PAPPA2: variants seen among roughly 807,000 people sequenced by gnomAD.
The protein encoded by PAPPA2 is pappalysin-2.
Under a neutral mutation model 176.4 loss-of-function variants are expected in PAPPA2, and 86 were observed. The observed-to-expected ratio is 0.49, with a 90% CI of 0.41 to 0.58. The LOEUF (loss-of-function observed/expected upper bound fraction) is 0.58, where lower values mean the gene tolerates loss of function less well. Among genes scored for constraint, PAPPA2 ranks in the 20% least tolerant of loss-of-function variants. The pLI, the probability that PAPPA2 is intolerant of heterozygous loss-of-function variation, is 0.00. For synonymous variants in PAPPA2, 809 were observed against 852.2 expected, an observed-to-expected ratio of 0.95 and a Z score of 0.88; for missense variants, 2,073 against 2,256.9, an observed-to-expected ratio of 0.92 and a Z score of 1.65.
At chr1:176,804,478 C>T (rs889089303) in intron 21 of PAPPA2, among the ~76,000 whole-genome samples, 1 of 152,094 alleles carries the variant, frequency 6.6e-6, no homozygotes, top group African/African-American at 2.4e-5. Context: ...ATTATCCTGC[C>T]CCAAATGCCA....
At chr1:176,487,190 G>A (rs1349063157) in intron 1 of PAPPA2, among the ~76,000 whole-genome samples, 1 of 152,158 alleles carries the variant, frequency 6.6e-6, no homozygotes, top group African/African-American at 2.4e-5. Flanking sequence ...TTCTAAAAAG[G>A]TGGCCCTCTG....
chr1:176,616,645 A>G (rs1384180921), intron 3 of PAPPA2: 6 of 1,570,150 alleles, frequency 3.8e-6, no homozygotes, highest in South Asian at 2.2e-5. Context: ...GTTGCTTCAC[A>G]TACTCTTACT....
At chr1:176,830,191 A>G (rs1213955355) in intron 21 of PAPPA2, among the ~76,000 whole-genome samples, 1 of 152,222 alleles carries the variant, frequency 6.6e-6, no homozygotes, top group Non-Finnish European at 1.5e-5. Context: ...CAACATAGCC[A>G]GACCCCATCT....
chr1:176,838,948 T>A (rs376572902), intron 21 of PAPPA2, among the ~76,000 whole-genome samples: 7 of 152,238 alleles, frequency 4.6e-5, no homozygotes, highest in East Asian at 3.8e-4. Context: ...GATAAACTCG[T>A]TCTGATGTAA....
At chr1:176,551,677 C>T (rs764367269) in intron 1 of PAPPA2, among the ~76,000 whole-genome samples, 2 of 152,162 alleles carry the variant, frequency 1.3e-5, no homozygotes, top group Admixed American at 6.5e-5. Flanking sequence ...ACACTCCTGA[C>T]GTCCTGGGCT....
chr1:176,490,192 T>C (rs1306615322), intron 1 of PAPPA2, among the ~76,000 whole-genome samples: 1 of 152,164 alleles, frequency 6.6e-6, no homozygotes, highest in Non-Finnish European at 1.5e-5. Flanking sequence ...GATAAGCCTT[T>C]CTTCCACTGA....
intron 1 of PAPPA2, among the ~76,000 whole-genome samples, chr1:176,489,895 A>C (rs564741599): frequency 2.6e-5 from 4 of 152,290 alleles, no homozygotes; most frequent in Admixed American, 2.0e-4. Flanking sequence ...TTATCTCTGC[A>C]TCTTATCAAA....
intron 3 of PAPPA2, among the ~76,000 whole-genome samples, chr1:176,614,047 T>A (rs1655079021): frequency 6.6e-6 from 1 of 152,168 alleles, no homozygotes; most frequent in Non-Finnish European, 1.5e-5. Context: ...AAAACTCCAA[T>A]GATGAGTGGG....
intron 1 of PAPPA2, among the ~76,000 whole-genome samples, chr1:176,518,389 G>T (rs1162932335): frequency 6.6e-6 from 1 of 151,540 alleles, no homozygotes; most frequent in Non-Finnish European, 1.5e-5. Flanking sequence ...TGATAAACTG[G>T]AATGTCCAGA....
At chr1:176,807,311 G>T (rs1453421206) in intron 21 of PAPPA2, among the ~76,000 whole-genome samples, 2 of 152,146 alleles carry the variant, frequency 1.3e-5, no homozygotes, top group African/African-American at 4.8e-5. Flanking sequence ...GCTGGAGAGA[G>T]AGTTGGTAAA....
At chr1:176,752,302 C>G (rs1439928521) in intron 14 of PAPPA2, among the ~76,000 whole-genome samples, 2 of 129,514 alleles carry the variant, frequency 1.5e-5, no homozygotes, top group African/African-American at 6.1e-5. Flanking sequence ...TGTAACTAAC[C>G]TGCACAATGT....
chr1:176,513,945 A>G (rs888526097), intron 1 of PAPPA2, among the ~76,000 whole-genome samples: 4 of 152,148 alleles, frequency 2.6e-5, no homozygotes, highest in African/African-American at 9.7e-5. Flanking sequence ...ATCCATCCAC[A>G]TGCACCACAA....
chr1:176,507,667 A>G (rs779707704), intron 1 of PAPPA2, among the ~76,000 whole-genome samples: 10 of 152,112 alleles, frequency 6.6e-5, no homozygotes, highest in Admixed American at 2.6e-4. Context: ...ATAATCCTAA[A>G]CAAATTAATG....
intron 17 of PAPPA2, among the ~76,000 whole-genome samples, chr1:176,778,102 A>G (rs1664544325): frequency 1.3e-5 from 2 of 152,002 alleles, no homozygotes; most frequent in Non-Finnish European, 2.9e-5. Flanking sequence ...ATTCGAGGTC[A>G]GAGGTACAGG....
At chr1:176,559,686 G>A (rs546360227) in intron 2 of PAPPA2, among the ~76,000 whole-genome samples, 1 of 152,310 alleles carries the variant, frequency 6.6e-6, no homozygotes, top group Non-Finnish European at 1.5e-5. Flanking sequence ...ACGATGGCTG[G>A]CCTTCACCTA....
chr1:176,630,701 CTCTGATAGAGGG>C (rs1450900193), intron 3 of PAPPA2, among the ~76,000 whole-genome samples: 1 of 152,122 alleles, frequency 6.6e-6, no homozygotes, highest in Non-Finnish European at 1.5e-5. Context: ...ACTATACAGG[CTCTGATAGAGGG>C]TCTGATAGGG....
chr1:176,699,095 C>T lies in PAPPA2; in HGVS notation c.2747-5C>T, dbSNP rs1245176883. 6.2e-7 allele frequency: 1 copy of T among 1,607,050 alleles called. No homozygotes were observed. The highest frequency in any genetic ancestry group is 1.7e-5 in the Admixed American group (1 of 59,622). Reference sequence around the variant, plus strand: ...TGATGTATCTTTCTGCTAATCTCCCCCCAGGGCCTCCTGATGTGGATCAGC... The same window carrying T: ...TGATGTATCTTTCTGCTAATCTCCCTCCAGGGCCTCCTGATGTGGATCAGC... On this transcript the variant is annotated splice_region_variant and splice_polypyrimidine_tract_variant and intron_variant, in intron 7 of 22. Transcript: ENST00000367662.
chr1:176,789,154 T>C (rs1360699486), intron 17 of PAPPA2, among the ~76,000 whole-genome samples: 1 of 152,146 alleles, frequency 6.6e-6, no homozygotes, highest in African/African-American at 2.4e-5. Context: ...ATAACCTAAA[T>C]GTCCAACAAT....
At chr1:176,544,002 G>T (rs1412243318) in intron 1 of PAPPA2, among the ~76,000 whole-genome samples, 1 of 152,222 alleles carries the variant, frequency 6.6e-6, no homozygotes, top group African/African-American at 2.4e-5. Flanking sequence ...CTGGGTCTCA[G>T]TGAGCAAGAA....
Sources: gnomAD v4.1 joint callset for allele counts (sites outside exome capture counted in the v4.1 genomes callset) on GRCh38, gnomAD v4.1.1 for gene constraint, MANE v1.5 for transcripts, NCBI Gene and HGNC (gene_info 2026-07-23, HGNC 2026-07-21) for gene names.